The following RNF180 variants were observed in gnomAD, a reference collection of about 807,000 sequenced individuals.
RNF180 encodes the protein E3 ubiquitin-protein ligase RNF180.
A neutral mutation model predicts 59.2 loss-of-function variants in RNF180; 38 were observed. The ratio of observed to expected loss-of-function variants is 0.64; its 90% confidence interval spans 0.50 to 0.84. The LOEUF is 0.84. Ranked by LOEUF, RNF180 falls within the 40% of genes least tolerant of loss-of-function variation. The pLI is 0.00. For missense variants in RNF180, 705 were observed against 700.9 expected (o/e 1.01, Z -0.07); for synonymous variants, 262 against 240.3 (o/e 1.09, Z -0.84).
chr5:64,261,183 A>G (rs975376715), intron 5 of RNF180, among the ~76,000 whole-genome samples: 1 of 152,152 alleles, frequency 6.6e-6, no homozygotes, highest in Non-Finnish European at 1.5e-5. Context: ...TCTACGTACA[A>G]CATCAGCCTT....
chr5:64,321,779 A>G, intron 5 of RNF180, among the ~76,000 whole-genome samples: 1 of 152,356 alleles, frequency 6.6e-6, no homozygotes, highest in African/African-American at 2.4e-5. Flanking sequence ...ACAAGGCTAC[A>G]GTAACCAAAA....
chr5:64,308,398 A>T (rs1008589332), intron 5 of RNF180, among the ~76,000 whole-genome samples: 5 of 151,764 alleles, frequency 3.3e-5, no homozygotes, highest in African/African-American at 1.2e-4. Context: ...ATTACTATAG[A>T]CAAGTGTCAT....
At chr5:64,271,225 T>C in intron 5 of RNF180, among the ~76,000 whole-genome samples, 1 of 152,090 alleles carries the variant, frequency 6.6e-6, no homozygotes, top group Non-Finnish European at 1.5e-5. Flanking sequence ...AAGTGTACAT[T>C]GTATGAATAC....
intron 5 of RNF180, among the ~76,000 whole-genome samples, chr5:64,277,817 C>CT (rs1160778993): frequency 2.0e-5 from 3 of 152,140 alleles, no homozygotes; most frequent in Non-Finnish European, 2.9e-5. Flanking sequence ...AAATCAAAAG[C>CT]TTACACAGAA....
chr5:64,305,858 A>G (rs1275151368), intron 5 of RNF180, among the ~76,000 whole-genome samples: 1 of 151,526 alleles, frequency 6.6e-6, no homozygotes, highest in African/African-American at 2.4e-5. Flanking sequence ...ATCCACTATA[A>G]CAGACATGTC....
chr5:64,250,591 TAAAAC>T (rs1282549934), intron 5 of RNF180, among the ~76,000 whole-genome samples: 1 of 151,928 alleles, frequency 6.6e-6, no homozygotes, highest in Non-Finnish European at 1.5e-5. Flanking sequence ...TTACAACTGA[TAAAAC>T]ATACAGAGGA....
intron 5 of RNF180, among the ~76,000 whole-genome samples, chr5:64,314,645 T>A (rs1410808909): frequency 1.3e-5 from 2 of 152,174 alleles, no homozygotes; most frequent in Non-Finnish European, 2.9e-5. Context: ...ATTTAAGATA[T>A]TTATGCATTC....
intron 5 of RNF180, among the ~76,000 whole-genome samples, chr5:64,309,360 C>T (rs2112476623): frequency 6.6e-6 from 1 of 151,792 alleles, no homozygotes; most frequent in South Asian, 2.1e-4. Flanking sequence ...AAAACATATT[C>T]ACTCAGAGTA....
At chr5:64,256,560 T>C (rs954577974) in intron 5 of RNF180, among the ~76,000 whole-genome samples, 2 of 152,214 alleles carry the variant, frequency 1.3e-5, no homozygotes, top group Non-Finnish European at 2.9e-5. Flanking sequence ...CATTGGTCTA[T>C]ATCTCTGTTT....
intron 5 of RNF180, among the ~76,000 whole-genome samples, chr5:64,240,295 C>T (rs1280615360): frequency 6.6e-6 from 1 of 152,100 alleles, no homozygotes; most frequent in Non-Finnish European, 1.5e-5. Context: ...ATAAAGGCTG[C>T]AGTAGGTCCT....
At chr5:64,176,039 G>T (rs896417143) in intron 1 of RNF180, among the ~76,000 whole-genome samples, 2 of 152,124 alleles carry the variant, frequency 1.3e-5, no homozygotes, top group African/African-American at 4.8e-5. Flanking sequence ...GGAAGATTTT[G>T]AGAAGAACTG....
chr5:64,345,897 G>T (rs1432290141), intron 7 of RNF180, among the ~76,000 whole-genome samples: 1 of 152,104 alleles, frequency 6.6e-6, no homozygotes, highest in Non-Finnish European at 1.5e-5. Context: ...TTTTTTATGT[G>T]TGTGAAGTAC....
intron 5 of RNF180, among the ~76,000 whole-genome samples, chr5:64,294,510 C>CCT (rs1742782936): frequency 6.6e-6 from 1 of 152,116 alleles, no homozygotes; most frequent in Non-Finnish European, 1.5e-5. Flanking sequence ...CCATGTATTA[C>CCT]TTTTTTTGTA....
chr5:64,283,242 G>A (rs1483734276), intron 5 of RNF180, among the ~76,000 whole-genome samples: 1 of 152,090 alleles, frequency 6.6e-6, no homozygotes, highest in African/African-American at 2.4e-5. Context: ...ACTCTTTACT[G>A]TCTTGTAATG....
chr5:64,217,404 T>C lies in RNF180; in HGVS notation c.1227+8T>C. 1.4e-6 allele frequency: 2 copies of C among 1,395,732 alleles called. No individual in the cohort carries two copies. The highest frequency in any genetic ancestry group is 1.9e-6 in the Non-Finnish European group (2 of 1,069,926). The allele number at this position is 1,395,732 out of a possible 1,614,324, so 86.5% of individuals were successfully genotyped here. On this transcript the variant is annotated splice_region_variant and intron_variant, in intron 5 of 7. Transcript: ENST00000389100. ...GGATTGCTGGATCATATGGTAAGTA[T>C]ATATTTACTTATATGAGAAATTGTC...
rs943069212 is a variant in RNF180 at position 64,370,499 on chromosome 5, T to TG, written c.*686dup. The TG allele has an allele frequency of 7.4e-4, 113 of 151,818 alleles. No individual in the cohort carries two copies. The highest frequency in any genetic ancestry group is 2.6e-3 in the African/African-American group (108 of 41,512). 9.4% of individuals were successfully genotyped at this position (151,818 alleles called of 1,614,324 possible). On this transcript the variant is annotated 3_prime_UTR_variant, in exon 8 of 8. Transcript: ENST00000389100. Reference sequence around the variant, plus strand: ...TTGAAGGATTAATCACCAGAAGACATGAAAAATTTACCGACTTTTAGTAGT... The same window carrying TG: ...TTGAAGGATTAATCACCAGAAGACATGGAAAAATTTACCGACTTTTAGTAGT...
intron 5 of RNF180, among the ~76,000 whole-genome samples, chr5:64,288,257 A>G (rs1580184930): frequency 6.6e-6 from 1 of 152,110 alleles, no homozygotes; most frequent in South Asian, 2.1e-4. Context: ...CCATTGGTCT[A>G]TGTGTGTGCT....
Position 64,214,211 on chromosome 5 carries a change from T to C in RNF180, c.885T>C (p.Phe295=). 6.2e-7 allele frequency: 1 copy of C among 1,614,100 alleles called. No homozygotes were observed. The highest frequency in any genetic ancestry group is 8.5e-7 in the Non-Finnish European group (1 of 1,180,002). Residue 295 remains phenylalanine, a synonymous_variant, in exon 4 of 8, where the codon TTT becomes TTC. Transcript: ENST00000389100. The stretch of plus-strand genomic sequence containing the variant: ...ATCCTAGTATGCTGCTGCAAAGATT[T>C]TCAGTGGCCCCCCATGAGACCCAGA... The part of the protein sequence containing the change: ...SFDPSMLLQR[F]SVAPHETQTQ...
At chr5:64,198,868 T>G (rs1437664111) in intron 1 of RNF180, among the ~76,000 whole-genome samples, 2 of 151,812 alleles carry the variant, frequency 1.3e-5, no homozygotes, top group Non-Finnish European at 2.9e-5. Context: ...CAGGCTGGAG[T>G]GCAGTGGCAC....
Sources: gnomAD v4.1 joint callset for allele counts (sites outside exome capture counted in the v4.1 genomes callset) on GRCh38, gnomAD v4.1.1 for gene constraint, MANE v1.5 for transcripts, NCBI Gene and HGNC (gene_info 2026-07-23, HGNC 2026-07-21) for gene names.